Variants in MAGI1 observed in about 807,000 individuals in gnomAD.
MAGI1 encodes the protein membrane-associated guanylate kinase, WW and PDZ domain-containing protein 1.
In MAGI1, 58 loss-of-function variants were observed where a neutral mutation model predicts 139.9. That is an observed-to-expected ratio of 0.41 (90% CI 0.34 to 0.52). The LOEUF (loss-of-function observed/expected upper bound fraction) is 0.52, where lower values mean the gene tolerates loss of function less well. MAGI1 is among the 20% of genes least tolerant of loss of function. The pLI, the probability that MAGI1 is intolerant of heterozygous loss-of-function variation, is 0.12. For synonymous variants in MAGI1, 812 were observed against 737.9 expected (o/e 1.10, Z -1.63); for missense variants, 1,874 against 1,901.6 (o/e 0.99, Z 0.27).
chr3:65,608,862 G>A (rs1309038559), intron 2 of MAGI1, among the ~76,000 whole-genome samples: 1 of 152,102 alleles, frequency 6.6e-6, no homozygotes, highest in East Asian at 1.9e-4. Flanking sequence ...AGAAGAATGG[G>A]TAAGCAGATC....
intron 3 of MAGI1, among the ~76,000 whole-genome samples, chr3:65,482,817 T>C (rs1313927777): frequency 6.6e-6 from 1 of 152,244 alleles, no homozygotes; most frequent in Non-Finnish European, 1.5e-5. Context: ...TAAGTCTGGA[T>C]TCTCAATGCT....
intron 2 of MAGI1, among the ~76,000 whole-genome samples, chr3:65,605,537 C>G (rs1293815793): frequency 1.3e-5 from 2 of 152,108 alleles, no homozygotes; most frequent in African/African-American, 2.4e-5. Context: ...CAGACAAACT[C>G]AATGATGGAG....
chr3:65,693,879 T>C (rs756988759), intron 1 of MAGI1, among the ~76,000 whole-genome samples: 7 of 140,994 alleles, frequency 5.0e-5, no homozygotes, highest in African/African-American at 1.0e-4. Context: ...TGGACCATCA[T>C]GCCTGGCTAA....
intron 1 of MAGI1, among the ~76,000 whole-genome samples, chr3:66,020,942 A>AAC (rs1336149981): frequency 5.3e-5 from 8 of 152,144 alleles, no homozygotes; most frequent in African/African-American, 1.9e-4. Context: ...TCATCGGTAA[A>AAC]TGTACCGATT....
intron 12 of MAGI1, among the ~76,000 whole-genome samples, chr3:65,428,688 A>G (rs1173736140): frequency 6.6e-6 from 1 of 152,178 alleles, no homozygotes; most frequent in Non-Finnish European, 1.5e-5. Context: ...CCCTGGCTTT[A>G]TGGAGCTTTA....
chr3:65,695,592 A>G (rs2089102678), intron 1 of MAGI1, among the ~76,000 whole-genome samples: 1 of 152,162 alleles, frequency 6.6e-6, no homozygotes, highest in African/African-American at 2.4e-5. Flanking sequence ...AAGTTCATCC[A>G]TTTATAGACT....
At chr3:65,630,488 T>C (rs1576536647) in intron 1 of MAGI1, among the ~76,000 whole-genome samples, 1 of 151,928 alleles carries the variant, frequency 6.6e-6, no homozygotes, top group Admixed American at 6.6e-5. Context: ...GAAGCACTAG[T>C]GGATAATGAA....
intron 2 of MAGI1, among the ~76,000 whole-genome samples, chr3:65,528,006 T>C (rs2078469589): frequency 6.6e-6 from 1 of 152,134 alleles, no homozygotes; most frequent in Non-Finnish European, 1.5e-5. Context: ...GATCTTCACA[T>C]AAAACAAAGG....
chr3:65,989,687 G>A (rs1487398712), intron 1 of MAGI1, among the ~76,000 whole-genome samples: 6 of 152,054 alleles, frequency 3.9e-5, no homozygotes, highest in Non-Finnish European at 8.8e-5. Flanking sequence ...ACAGGCACCA[G>A]CCACCACACC....
intron 1 of MAGI1, among the ~76,000 whole-genome samples, chr3:66,032,924 A>C (rs1272314930): frequency 6.7e-6 from 1 of 150,342 alleles, no homozygotes; most frequent in Admixed American, 6.6e-5. Context: ...CAAAAAAAAA[A>C]AAAAAAAAAA....
At chr3:65,524,232 A>G (rs536300391) in intron 2 of MAGI1, among the ~76,000 whole-genome samples, 1 of 152,306 alleles carries the variant, frequency 6.6e-6, no homozygotes, top group African/African-American at 2.4e-5. Context: ...AGGCAATACT[A>G]CCCAGTGGAA....
chr3:65,713,003 T>A (rs562787835), intron 1 of MAGI1, among the ~76,000 whole-genome samples: 108 of 152,170 alleles, frequency 7.1e-4, no homozygotes, highest in Non-Finnish European at 1.3e-3. Context: ...AGGAAGCTCA[T>A]AGCTAGGAAA....
At chr3:65,805,242 GA>G (rs1204451967) in intron 1 of MAGI1, among the ~76,000 whole-genome samples, 1 of 151,772 alleles carries the variant, frequency 6.6e-6, no homozygotes, top group East Asian at 1.9e-4. Context: ...AAATTTACAA[GA>G]AAAAACAAAC....
At position 65,918,843 on chromosome 3, in the gene MAGI1, A is replaced by C. The variant is rs538792186; in HGVS notation, c.313+119153T>G. 3.3e-5 allele frequency among the ~76,000 whole-genome samples: 5 copies of C among 152,316 alleles called. No individual in the cohort carries two copies. The East Asian group carries it at 9.6e-4, about 29-fold the overall frequency. ...CCCTACCAACAAATAAATGCAAGTT[A>C]AGGAGAATGCTTACAAAAAGTTAAG... On this transcript the variant is annotated intron_variant, in intron 1 of 22. Coordinates refer to ENST00000402939, the MANE Select transcript of MAGI1 (RefSeq NM_001033057.2).
intron 2 of MAGI1, among the ~76,000 whole-genome samples, chr3:65,576,421 C>T (rs1483152056): frequency 1.3e-5 from 2 of 152,286 alleles, no homozygotes; most frequent in East Asian, 3.9e-4. Context: ...CGCACTCTTC[C>T]TCTCTGAGCC....
rs537369025 is a variant in MAGI1, at chr3:66,031,895, T to A, written c.313+6101A>T. Among the ~76,000 whole-genome samples, 6 of 152,316 alleles carry A rather than the reference T, an allele frequency of 3.9e-5. No individual in the cohort carries two copies. In the South Asian group the frequency reaches 1.2e-3, roughly 32 times the overall value. Reference sequence around the variant, plus strand: ...CAAAAAAAATCCTCATCATCCTGCCTGCTGAACATCTGAAATTTCACGTTT... The same window carrying A: ...CAAAAAAAATCCTCATCATCCTGCCAGCTGAACATCTGAAATTTCACGTTT... On this transcript the variant is annotated intron_variant, in intron 1 of 22. Coordinates refer to ENST00000402939, the MANE Select transcript of MAGI1 (RefSeq NM_001033057.2).
chr3:65,634,161 G>C (rs781730577), intron 1 of MAGI1, among the ~76,000 whole-genome samples: 3 of 152,182 alleles, frequency 2.0e-5, no homozygotes, highest in Non-Finnish European at 4.4e-5. Context: ...AGCAACAGAG[G>C]AGACGGGACT....
chr3:65,713,879 T>A (rs539793018), intron 1 of MAGI1, among the ~76,000 whole-genome samples: 45 of 152,124 alleles, frequency 3.0e-4, no homozygotes, highest in Middle Eastern at 3.4e-3. Flanking sequence ...CAAAATAAAG[T>A]CCTTGAATTT....
intron 2 of MAGI1, among the ~76,000 whole-genome samples, chr3:65,558,207 T>C (rs761721381): frequency 8.1e-6 from 1 of 122,778 alleles, no homozygotes; most frequent in East Asian, 3.7e-4. Context: ...GGAGTCCAAG[T>C]GCCCCCATCT....
Sources: allele counts gnomAD v4.1 joint callset (sites outside exome capture counted in the v4.1 genomes callset), GRCh38; gene constraint gnomAD v4.1.1; transcripts MANE v1.5; gene names NCBI Gene and HGNC (gene_info 2026-07-23, HGNC 2026-07-21).